Variants in SLC37A1 observed in about 807,000 individuals in gnomAD.
SLC37A1 encodes glucose-6-phosphate exchanger SLC37A1.
Under a neutral mutation model 75.3 loss-of-function variants are expected in SLC37A1, and 49 were observed. That is an observed-to-expected ratio of 0.65 (90% CI 0.52 to 0.83). SLC37A1 has a LOEUF of 0.83. Among genes scored for constraint, SLC37A1 ranks in the 40% least tolerant of loss-of-function variants. The pLI is 0.00. For synonymous variants in SLC37A1, 268 were observed against 292.1 expected (o/e 0.92, Z 0.84); for missense variants, 566 against 695.0 (o/e 0.81, Z 2.09).
At chr21:42,565,397 C>G (rs1051738882) in intron 14 of SLC37A1, among the ~76,000 whole-genome samples, 9 of 152,282 alleles carry the variant, frequency 5.9e-5, no homozygotes, top group Non-Finnish European at 2.9e-5. Context: ...TCTTGGGGTT[C>G]TGGACATGGC....
intron 3 of SLC37A1, among the ~76,000 whole-genome samples, chr21:42,531,058 C>T (rs1324961392): frequency 6.6e-6 from 1 of 152,162 alleles, no homozygotes; most frequent in Non-Finnish European, 1.5e-5. Flanking sequence ...AAATTCCCAC[C>T]GCAGCTGCCT....
chr21:42,575,526 T>G (rs185376083), intron 18 of SLC37A1: 1 of 985,440 alleles, frequency 1.0e-6, no homozygotes, highest in East Asian at 1.1e-4. Context: ...TGAGAAAGTT[T>G]GAGGTTTTCC....
intron 3 of SLC37A1, among the ~76,000 whole-genome samples, chr21:42,530,073 A>T (rs1390471102): frequency 6.6e-6 from 1 of 152,240 alleles, no homozygotes; most frequent in African/African-American, 2.4e-5. Flanking sequence ...ATATCAAGGG[A>T]ACCTAATAAG....
intron 2 of SLC37A1, among the ~76,000 whole-genome samples, chr21:42,520,609 G>T (rs1375787168): frequency 1.3e-5 from 2 of 152,132 alleles, no homozygotes; most frequent in Non-Finnish European, 2.9e-5. Flanking sequence ...ATAAACTGGT[G>T]ATGGTCGATA....
At chr21:42,578,315 C>T (rs372848376) in intron 18 of SLC37A1, among the ~76,000 whole-genome samples, 18 of 152,324 alleles carry the variant, frequency 1.2e-4, no homozygotes, top group East Asian at 1.2e-3. Context: ...TTCTTGCATG[C>T]GTGAGCCAAA....
chr21:42,533,224 C>T (rs1472489982), intron 3 of SLC37A1, among the ~76,000 whole-genome samples: 4 of 152,192 alleles, frequency 2.6e-5, no homozygotes, highest in Admixed American at 1.3e-4. Flanking sequence ...TCTCAGGTTC[C>T]AGCTCACGAG....
At chr21:42,542,189 C>A (rs1371103671) in intron 6 of SLC37A1, among the ~76,000 whole-genome samples, 1 of 152,122 alleles carries the variant, frequency 6.6e-6, no homozygotes, top group Non-Finnish European at 1.5e-5. Flanking sequence ...AATAGGCATG[C>A]ATTGCTTTTA....
chr21:42,562,710 CAA>C (rs2055862445), intron 12 of SLC37A1, among the ~76,000 whole-genome samples: 4 of 152,094 alleles, frequency 2.6e-5, no homozygotes, highest in African/African-American at 4.8e-5. Context: ...ACAGGACAGA[CAA>C]GAGGAGATGA....
chr21:42,523,841 T>C (rs2054713389), intron 2 of SLC37A1, among the ~76,000 whole-genome samples: 1 of 152,122 alleles, frequency 6.6e-6, no homozygotes, highest in Admixed American at 6.5e-5. Flanking sequence ...ATTCCAAAGG[T>C]TGTAGTTTTG....
rs528095637 is a variant in SLC37A1, at chr21:42,547,917, C to T, written c.768+777C>T. Among the ~76,000 whole-genome samples the T allele has an allele frequency of 1.8e-3, 277 of 152,256 alleles. 1 individual carries two copies. The highest frequency in any genetic ancestry group is 6.3e-3 in the African/African-American group (260 of 41,556). On this transcript the variant is annotated intron_variant, in intron 9 of 19. Coordinates refer to ENST00000352133, the MANE Select transcript of SLC37A1 (RefSeq NM_001320537.2). This position sits in a 1 kb window ranked among gnomAD's most constrained non-coding sequence, Gnocchi z 6.1. ...CTGTCTGCAGGCCACCGCCACCTCA[C>T]GGGAACAGCCCATCAGATCCCAGCA...
At chr21:42,543,236 A>T (rs541116394) in intron 7 of SLC37A1, among the ~76,000 whole-genome samples, 200 bp from the exon 8 acceptor site, 2 of 152,366 alleles carry the variant, frequency 1.3e-5, no homozygotes, top group African/African-American at 4.8e-5. Context: ...AGAATGGGTG[A>T]TGGCACAGCC....
Position 42,514,688 on chromosome 21 carries a change from G to C in SLC37A1, c.-208G>C, listed in dbSNP as rs1361373608. On this transcript the variant is annotated 5_prime_UTR_variant, in exon 1 of 20. Transcript: ENST00000352133. The surrounding 1 kb of genome is among the most constrained non-coding windows in gnomAD (Gnocchi z 4.8). ...GGCCACCAGCCTTCCAGCCCTTACG[G>C]CCCACGCCGTAATCCTGGTGACCGA... is the stretch of plus-strand genomic sequence containing the variant. 6.6e-6 allele frequency: 1 copy of C among 152,320 alleles called. No homozygotes were observed. Among genetic ancestry groups the C allele is most frequent in the African/African-American group, 2.4e-5 (1 of 41,438 alleles). The allele number at this position is 152,320 out of a possible 1,614,324, so 9.4% of individuals were successfully genotyped here. A position where few individuals can be genotyped will look rare whatever the true frequency, so the allele number is the denominator to read the frequency against.
At chr21:42,532,202 A>T (rs2055003354) in intron 3 of SLC37A1, among the ~76,000 whole-genome samples, 1 of 152,222 alleles carries the variant, frequency 6.6e-6, no homozygotes, top group Non-Finnish European at 1.5e-5. Flanking sequence ...ATTACATAAC[A>T]AAACTAGGAA....
intron 17 of SLC37A1, among the ~76,000 whole-genome samples, chr21:42,569,548 G>GTGCCGCACTCCCTCA (rs2056073611): frequency 4.8e-5 from 1 of 20,888 alleles, no homozygotes; most frequent in Non-Finnish European, 1.1e-4. Flanking sequence ...GCACTCCCTC[G>GTGCCGCACTCCCTCA]TGCCGCACTC....
At chr21:42,523,064 T>C (rs2054692468) in intron 2 of SLC37A1, among the ~76,000 whole-genome samples, 1 of 152,246 alleles carries the variant, frequency 6.6e-6, no homozygotes. Context: ...GCCTTCCTTC[T>C]GGGCTGTCTG....
In SLC37A1 at chr21:42,567,077, G is replaced by T; in HGVS notation, c.1344+19G>T. 1 of 1,607,822 alleles carries T rather than the reference G, an allele frequency of 6.2e-7. No homozygotes were observed. ...CGACCTGGTGAGTAGAACCGGGAGAGACACCAGCCCTGTGGGCACCCTGCC... is the reference window on the plus strand; with the variant it reads ...CGACCTGGTGAGTAGAACCGGGAGATACACCAGCCCTGTGGGCACCCTGCC... On this transcript the variant is annotated intron_variant, in intron 16 of 19. Transcript: ENST00000352133.
intron 18 of SLC37A1, 141 bp downstream of exon 18, chr21:42,575,056 G>A (rs2147065881): frequency 2.1e-6 from 3 of 1,442,630 alleles, no homozygotes; most frequent in Non-Finnish European, 2.7e-6. Flanking sequence ...AATATGCGTG[G>A]TCTAAAGCTC....
chr21:42,525,883 G>C, intron 3 of SLC37A1, 26 bp downstream of exon 3: 1 of 1,579,106 alleles, frequency 6.3e-7, no homozygotes, highest in Non-Finnish European at 8.7e-7. Context: ...AGCACTGCCT[G>C]TCGTCTCTGT....
chr21:42,541,957 G>A (rs942299296), intron 6 of SLC37A1, among the ~76,000 whole-genome samples: 1 of 152,094 alleles, frequency 6.6e-6, no homozygotes, highest in Non-Finnish European at 1.5e-5. Context: ...GCCCAGGCTG[G>A]TCTCAAATTC....
Sources: allele counts gnomAD v4.1 joint callset (sites outside exome capture counted in the v4.1 genomes callset), GRCh38; gene constraint gnomAD v4.1.1; non-coding constraint Gnocchi (gnomAD v3.1); transcripts MANE v1.5; gene names NCBI Gene and HGNC (gene_info 2026-07-23, HGNC 2026-07-21).